TRIM25: variants seen among roughly 807,000 people sequenced by gnomAD.
TRIM25 encodes the protein E3 ubiquitin/ISG15 ligase TRIM25.
In TRIM25, 45 loss-of-function variants were observed where a neutral mutation model predicts 65.2. The ratio of observed to expected loss-of-function variants is 0.69; its 90% confidence interval spans 0.54 to 0.89. The LOEUF is 0.89. TRIM25 is among the 40% of genes least tolerant of loss of function. The pLI, the probability that TRIM25 is intolerant of heterozygous loss-of-function variation, is 0.00. For missense variants in TRIM25, 714 were observed against 803.7 expected (o/e 0.89, Z 1.35); for synonymous variants, 321 against 340.4 (o/e 0.94, Z 0.63).
chr17:56,908,702 C>T (rs1909569778), intron 1 of TRIM25, 139 bp from the exon 2 acceptor site: 4 of 750,602 alleles, frequency 5.3e-6, no homozygotes, highest in South Asian at 3.2e-5. Flanking sequence ...TCCTGTCACC[C>T]GAGTCTTGCC....
chr17:56,895,413 C>T lies in TRIM25; in HGVS notation c.1293G>A (p.Pro431=), dbSNP rs756570736. 11 of 1,613,988 alleles carry T rather than the reference C, an allele frequency of 6.8e-6. No homozygotes were observed. The highest frequency in any genetic ancestry group is 5.3e-5 in the African/African-American group (4 of 74,878). The change falls in exon 8 of 9, where the codon CCG becomes CCA. Residue 431 remains proline, a synonymous_variant. Transcript: ENST00000316881. ...CCTTGGCCTTGAGAGATGTTGAGTT[C>T]GGATGTGAGCTGGTGGCTTTGGCTG... ...EAAAKATSSH[P]NSTSLKAKVL... is the part of the protein sequence containing the mutation.
rs1364870207 is a variant in TRIM25 at position 56,890,767 on chromosome 17, A to G, written c.*933T>C. 1 of 456,162 alleles carries G rather than the reference A, an allele frequency of 2.2e-6. No homozygotes were observed. Among genetic ancestry groups the G allele is most frequent in the African/African-American group, 2.0e-5 (1 of 49,924 alleles). The allele number at this position is 456,162 out of a possible 1,614,324, so 28.3% of individuals were successfully genotyped here. A position where few individuals can be genotyped will look rare whatever the true frequency, so the allele number is the denominator to read the frequency against. ...AGAGTTGTCAGTAAGAAGGCAGGACACTCTAACACGAGCAAACCCACCAGG... is the reference window on the plus strand; with the variant it reads ...AGAGTTGTCAGTAAGAAGGCAGGACGCTCTAACACGAGCAAACCCACCAGG... On this transcript the variant is annotated 3_prime_UTR_variant, in exon 9 of 9. Transcript: ENST00000316881.
rs778256026 is a variant in TRIM25, at chr17:56,895,414, G to A, written c.1292C>T (p.Pro431Leu). 1.2e-5 allele frequency: 20 copies of A among 1,614,176 alleles called. No homozygotes were observed. The highest frequency in any genetic ancestry group is 1.1e-4 in the East Asian group (5 of 44,886). The change falls in exon 8 of 9, where the codon CCG (proline) becomes CTG (leucine). Residue 431 changes from proline (P) to leucine (L), a missense_variant. Pro to Leu is a moderately conservative substitution (Grantham distance 98). Around this residue, in one of 3 missense-constraint regions of TRIM25, gnomAD observed 413 missense variants for 498.2 expected, o/e 0.83. Coordinates refer to ENST00000316881, the MANE Select transcript of TRIM25 (RefSeq NM_005082.5). The stretch of plus-strand genomic sequence containing the variant: ...CTTGGCCTTGAGAGATGTTGAGTTC[G>A]GATGTGAGCTGGTGGCTTTGGCTGC... Reference protein sequence around the residue: ...EAAAKATSSHPNSTSLKAKVL... With the variant: ...EAAAKATSSHLNSTSLKAKVL...
Position 56,904,303 on chromosome 17 carries a change from C to G in TRIM25, c.879G>C (p.Glu293Asp). 2.5e-6 allele frequency: 4 copies of G among 1,614,068 alleles called. No homozygotes were observed. Among genetic ancestry groups the G allele is most frequent in the Non-Finnish European group, 3.4e-6 (4 of 1,180,030 alleles). The stretch of plus-strand genomic sequence containing the variant: ...TCTTGGTCAGGCTCTGTTCAATCTC[C>G]TCCTTCAAGGTCTGGATCTCACTCT... ...KKKSEIQTLK[E>D]EIEQSLTKRD... Residue 293 changes from glutamate (E) to aspartate (D), a missense_variant, in exon 3 of 9, where the codon GAG (glutamate) becomes GAC (aspartate). Transcript: ENST00000316881.
At chr17:56,905,705 C>G (rs1909506703) in intron 2 of TRIM25, among the ~76,000 whole-genome samples, 1 of 152,144 alleles carries the variant, frequency 6.6e-6, no homozygotes. Context: ...TGCTCATAAT[C>G]CCAGCACCTT....
At position 56,913,307 on chromosome 17, in the gene TRIM25, G is replaced by C; in HGVS notation, c.597+85C>G. 10 of 1,311,828 alleles carry C rather than the reference G, an allele frequency of 7.6e-6. No individual in the cohort carries two copies. Among genetic ancestry groups the C allele is most frequent in the South Asian group, 1.5e-5 (1 of 66,168 alleles). The allele number at this position is 1,311,828 out of a possible 1,614,324, so 81.3% of individuals were successfully genotyped here. A position where few individuals can be genotyped will look rare whatever the true frequency, so the allele number is the denominator to read the frequency against. On this transcript the variant is annotated intron_variant, in intron 1 of 8. Coordinates refer to ENST00000316881, the MANE Select transcript of TRIM25 (RefSeq NM_005082.5). This position sits in a 1 kb window ranked among gnomAD's most constrained non-coding sequence, Gnocchi z 6.1. The stretch of plus-strand genomic sequence containing the variant: ...CAGGCCCATCTCCCCAGGGCGTCCA[G>C]AGTGTGGCAGAGAGGCCCCCGGTGG...
Position 56,901,399 on chromosome 17 carries a change from T to C in TRIM25, c.1087+20A>G, listed in dbSNP as rs368862699. ...TTGCAGGGTTCCACAGGGGGCAGCA[T>C]AGGGGGCTGCTAAGGTCACCTGAAC... On this transcript the variant is annotated intron_variant, in intron 4 of 8. Transcript: ENST00000316881. 24 of 1,611,962 alleles carry C rather than the reference T, an allele frequency of 1.5e-5. No homozygotes were observed. The highest frequency in any genetic ancestry group is 8.0e-5 in the African/African-American group (6 of 74,818).
At chr17:56,892,730 T>C (rs950408944) in intron 8 of TRIM25, among the ~76,000 whole-genome samples, 2 of 152,182 alleles carry the variant, frequency 1.3e-5, no homozygotes, top group Non-Finnish European at 2.9e-5. Context: ...TGTCTGTCCA[T>C]TCATCCATCC....
intron 2 of TRIM25, among the ~76,000 whole-genome samples, chr17:56,906,753 C>G (rs1434368695): frequency 3.9e-5 from 6 of 152,226 alleles, no homozygotes; most frequent in Non-Finnish European, 7.3e-5. Context: ...TCTCGGCCTC[C>G]CAAAGTGCTG....
At chr17:56,905,312 C>T (rs929251500) in intron 2 of TRIM25, among the ~76,000 whole-genome samples, 15 of 151,978 alleles carry the variant, frequency 9.9e-5, no homozygotes, top group Non-Finnish European at 1.6e-4. Flanking sequence ...TACAGTGAGC[C>T]GAGATCGTGC....
chr17:56,895,647 G>T, intron 6 of TRIM25, 43 bp from the exon 7 acceptor site: 1 of 1,520,454 alleles, frequency 6.6e-7, no homozygotes, highest in Non-Finnish European at 8.9e-7. Flanking sequence ...GCAACGGGAT[G>T]GCCTCTACTC....
intron 8 of TRIM25, among the ~76,000 whole-genome samples, chr17:56,894,534 G>A (rs902890864): frequency 6.6e-6 from 1 of 152,258 alleles, no homozygotes; most frequent in African/African-American, 2.4e-5. Context: ...ACAGGCATGA[G>A]CCACCGCACC....
intron 8 of TRIM25, 52 bp downstream of exon 8, chr17:56,895,291 C>T (rs998690640): frequency 1.0e-5 from 15 of 1,448,498 alleles, no homozygotes; most frequent in South Asian, 8.1e-5. Context: ...CACAGAGCGG[C>T]GCAGGAGAGA....
intron 2 of TRIM25, 72 bp from the exon 3 acceptor site, chr17:56,904,560 T>A: frequency 7.2e-7 from 1 of 1,390,578 alleles, no homozygotes; most frequent in Non-Finnish European, 1.0e-6. Context: ...CAAGCATGGG[T>A]GAGATGTGGA....
In TRIM25 at chr17:56,913,182, T is replaced by C; in HGVS notation, c.597+210A>G. ...ACACCATCAGACAATGACAGGATTA[T>C]GGCAAGCAACCTAACCTGTCTTCAT... On this transcript the variant is annotated intron_variant, in intron 1 of 8. Transcript: ENST00000316881. The surrounding 1 kb of genome is among the most constrained non-coding windows in gnomAD (Gnocchi z 6.1). 2.3e-6 allele frequency: 1 copy of C among 428,466 alleles called. No homozygotes were observed. The highest frequency in any genetic ancestry group is 4.1e-6 in the Non-Finnish European group (1 of 245,206). 26.5% of individuals were successfully genotyped at this position (428,466 alleles called of 1,614,324 possible).
intron 3 of TRIM25, among the ~76,000 whole-genome samples, chr17:56,902,254 C>G (rs943350244): frequency 1.3e-5 from 2 of 152,168 alleles, no homozygotes; most frequent in African/African-American, 4.8e-5. Context: ...GCACTGTCTC[C>G]CCACCCCCTG....
chr17:56,897,274 C>T (rs976233207), intron 5 of TRIM25, among the ~76,000 whole-genome samples: 6 of 152,302 alleles, frequency 3.9e-5, no homozygotes, highest in Admixed American at 3.3e-4. Flanking sequence ...TTGCCACCTT[C>T]CACAACACTG....
At chr17:56,898,373 G>C (rs1019731795) in intron 5 of TRIM25, among the ~76,000 whole-genome samples, 3 of 152,138 alleles carry the variant, frequency 2.0e-5, no homozygotes, top group Non-Finnish European at 4.4e-5. Context: ...GGCTCATAAA[G>C]AGCTCTCACA....
Position 56,913,706 on chromosome 17 carries a change from G to T in TRIM25, c.283C>A (p.Arg95Ser). 1 of 1,572,398 alleles carries T rather than the reference G, an allele frequency of 6.4e-7. No individual in the cohort carries two copies. ...PPADVWTPPARASAPSPNAQV... is the reference protein window; with the variant it reads ...PPADVWTPPASASAPSPNAQV... Reference sequence around the variant, plus strand: ...GCATTCGGGCTGGGTGCAGAGGCGCGGGCGGGCGGCGTCCAGACGTCGGCG... The same window carrying T: ...GCATTCGGGCTGGGTGCAGAGGCGCTGGCGGGCGGCGTCCAGACGTCGGCG... Residue 95 changes from arginine (R) to serine (S), a missense_variant, in exon 1 of 9, where the codon CGC becomes AGC. Physicochemically the swap from Arg to Ser is moderately radical, Grantham distance 110 (BLOSUM62 -1). Transcript: ENST00000316881. The surrounding 1 kb of genome is among the most constrained non-coding windows in gnomAD (Gnocchi z 6.1).
Sources: gnomAD v4.1 joint callset for allele counts (sites outside exome capture counted in the v4.1 genomes callset) on GRCh38, gnomAD v4.1.1 for gene constraint, gnomAD v4.1.1 regional missense constraint, Gnocchi (gnomAD v3.1) non-coding constraint, MANE v1.5 for transcripts, NCBI Gene and HGNC (gene_info 2026-07-23, HGNC 2026-07-21) for gene names.